The following PDGFRB variants were observed in gnomAD, a reference collection of about 807,000 sequenced individuals.
PDGFRB encodes the protein platelet derived growth factor receptor beta, also known as platelet-derived growth factor receptor beta.
A neutral mutation model predicts 120.2 loss-of-function variants in PDGFRB; 42 were observed. The ratio of observed to expected loss-of-function variants is 0.35; its 90% CI spans 0.27 to 0.45. PDGFRB has a LOEUF of 0.45. PDGFRB is among the 20% of genes least tolerant of loss of function. PDGFRB has a pLI of 1.00. For missense variants in PDGFRB, 1,149 were observed against 1,476.3 expected (o/e 0.78, Z 3.63); for synonymous variants, 586 against 606.8 (o/e 0.97, Z 0.50).
intron 15 of PDGFRB, 78 bp downstream of exon 15, chr5:150,122,964 C>T: frequency 7.5e-7 from 1 of 1,337,450 alleles, no homozygotes; most frequent in East Asian, 2.3e-5. Context: ...TCAGCTTCCC[C>T]TCCTGGACAA....
rs145233991 is a variant in PDGFRB, at chr5:150,117,883, G to A, written c.2905-33C>T. The A allele has an allele frequency of 3.9e-4, 497 of 1,290,590 alleles. 3 individuals are homozygous for A. The Middle Eastern group carries it at 5.3e-3, about 14-fold the overall frequency. The allele number at this position is 1,290,590 out of a possible 1,614,324, so 79.9% of individuals were successfully genotyped here. A position where few individuals can be genotyped will look rare whatever the true frequency, so the allele number is the denominator to read the frequency against. ...CGGGGCAGGGAGAACCAAAGAAACA[G>A]GGATGGTCAGGCCAGAAATGCCTTC... is the stretch of plus-strand genomic sequence containing the variant. On this transcript the variant is annotated intron_variant, in intron 21 of 22. Coordinates refer to ENST00000261799, the MANE Select transcript of PDGFRB (RefSeq NM_002609.4).
At position 150,115,525 on chromosome 5, in the gene PDGFRB, G is replaced by C; in HGVS notation, c.*238C>G. 2 of 395,916 alleles carry C rather than the reference G, an allele frequency of 5.1e-6. No homozygotes were observed. 24.5% of individuals were successfully genotyped at this position (395,916 alleles called of 1,614,324 possible). A position where few individuals can be genotyped will look rare whatever the true frequency, so the allele number is the denominator to read the frequency against. On this transcript the variant is annotated 3_prime_UTR_variant, in exon 23 of 23. Coordinates refer to ENST00000261799, the MANE Select transcript of PDGFRB (RefSeq NM_002609.4). Reference sequence around the variant, plus strand: ...AAACTGAGTTCCCTGGGGGAACCCTGGCTCAGAGTCAGTTGGCCTCCCTGG... The same window carrying C: ...AAACTGAGTTCCCTGGGGGAACCCTCGCTCAGAGTCAGTTGGCCTCCCTGG...
intron 1 of PDGFRB, among the ~76,000 whole-genome samples, chr5:150,150,936 C>T (rs774414361): frequency 6.6e-6 from 1 of 152,258 alleles, no homozygotes; most frequent in African/African-American, 2.4e-5. Flanking sequence ...CCTTCCTCCC[C>T]GACCCTCCCT....
rs772651155 is a variant in PDGFRB, at chr5:150,113,843, A to AGT, written c.*1918_*1919dup. 1 of 228,890 alleles carries AGT rather than the reference A, an allele frequency of 4.4e-6. No individual in the cohort carries two copies. 14.2% of individuals were successfully genotyped at this position (228,890 alleles called of 1,614,324 possible). On this transcript the variant is annotated 3_prime_UTR_variant, in exon 23 of 23. Coordinates refer to ENST00000261799, the MANE Select transcript of PDGFRB (RefSeq NM_002609.4). Reference sequence around the variant, plus strand: ...CCCGAGAGAGACCACAAAGTCTGTGAGTGAGAAGCACCAGGTTTAATATTA... The same window carrying AGT: ...CCCGAGAGAGACCACAAAGTCTGTGAGTGTGAGAAGCACCAGGTTTAATATTA...
chr5:150,143,421 G>A lies in PDGFRB; in HGVS notation c.-6-6368C>T, dbSNP rs949580109. ...GCCCTCAGGGCTCCACTCTGGGAAG[G>A]CAGCTGTGCTGAGCTGGAATGCTGG... On this transcript the variant is annotated intron_variant, in intron 1 of 22. Transcript: ENST00000261799. Among the ~76,000 whole-genome samples, 41 of 152,170 alleles carry A rather than the reference G, an allele frequency of 2.7e-4. 2 individuals are homozygous for A. The highest frequency in any genetic ancestry group is 1.5e-5 in the Non-Finnish European group (1 of 68,040).
chr5:150,153,428 G>A (rs538840588), intron 1 of PDGFRB: 8 of 152,346 alleles, frequency 5.3e-5, no homozygotes, highest in South Asian at 4.1e-4. Context: ...GGAGCTTCCC[G>A]GGGAGCACGA....
chr5:150,115,045 A>T lies in PDGFRB; in HGVS notation c.*718T>A, dbSNP rs1299607969. 1 of 233,078 alleles carries T rather than the reference A, an allele frequency of 4.3e-6. No individual in the cohort carries two copies. Among genetic ancestry groups the T allele is most frequent in the Non-Finnish European group, 8.5e-6 (1 of 118,000 alleles). 14.4% of individuals were successfully genotyped at this position (233,078 alleles called of 1,614,324 possible). A position where few individuals can be genotyped will look rare whatever the true frequency, so the allele number is the denominator to read the frequency against. ...GCCCCAGGACTGATGGGCCTGAAGG[A>T]CAGGGACACAGGCACTTGCTATGGC... On this transcript the variant is annotated 3_prime_UTR_variant, in exon 23 of 23. Coordinates refer to ENST00000261799, the MANE Select transcript of PDGFRB (RefSeq NM_002609.4).
rs533261556 is a variant in PDGFRB at position 150,138,377 on chromosome 5, T to G, written c.-6-1324A>C. Among the ~76,000 whole-genome samples, 126 of 152,186 alleles carry G rather than the reference T, an allele frequency of 8.3e-4. 1 individual carries two copies. The highest frequency in any genetic ancestry group is 3.4e-3 in the Middle Eastern group (1 of 294). On this transcript the variant is annotated intron_variant, in intron 1 of 22. Coordinates refer to ENST00000261799, the MANE Select transcript of PDGFRB (RefSeq NM_002609.4). ...AGCATGCCACCTCTTGTGCCATCGC[T>G]CTCCCTGTGGCCTAAGTCCCCAGCT...
intron 1 of PDGFRB, among the ~76,000 whole-genome samples, chr5:150,144,269 T>G (rs1308025614): frequency 1.3e-5 from 2 of 151,980 alleles, no homozygotes; most frequent in African/African-American, 4.8e-5. Context: ...TCTCCGGCCC[T>G]CCTCTGCTCT....
At chr5:150,127,240 A>T (rs1760320193) in intron 10 of PDGFRB, among the ~76,000 whole-genome samples, 1 of 152,216 alleles carries the variant, frequency 6.6e-6, no homozygotes, top group South Asian at 2.1e-4. Flanking sequence ...ACAAGCCTCG[A>T]GTCTCCTCCA....
chr5:150,132,629 A>G lies in PDGFRB; in HGVS notation c.1127+121T>C. 1 of 879,550 alleles carries G rather than the reference A, an allele frequency of 1.1e-6. No individual in the cohort carries two copies. The highest frequency in any genetic ancestry group is 1.7e-6 in the Non-Finnish European group (1 of 580,344). 54.5% of individuals were successfully genotyped at this position (879,550 alleles called of 1,614,324 possible). A position where few individuals can be genotyped will look rare whatever the true frequency, so the allele number is the denominator to read the frequency against. On this transcript the variant is annotated intron_variant, in intron 7 of 22. Coordinates refer to ENST00000261799, the MANE Select transcript of PDGFRB (RefSeq NM_002609.4). This position sits in a 1 kb window ranked among gnomAD's most constrained non-coding sequence, Gnocchi z 5.0. Reference sequence around the variant, plus strand: ...CTCTGGTCGCTGCAGCATCCCCAGCACCTGGCACCTAATATGCTCTCAGAA... The same window carrying G: ...CTCTGGTCGCTGCAGCATCCCCAGCGCCTGGCACCTAATATGCTCTCAGAA...
At chr5:150,137,244 T>A (rs1461746195) in intron 1 of PDGFRB, 191 bp from the exon 2 acceptor site, 2 of 559,390 alleles carry the variant, frequency 3.6e-6, no homozygotes, top group South Asian at 2.2e-5. Context: ...CTCCTCTCCA[T>A]CCCGGACTTA....
At chr5:150,136,901 T>C (rs901503940) in intron 2 of PDGFRB, 107 bp downstream of exon 2, 61 of 822,672 alleles carry the variant, frequency 7.4e-5, no homozygotes, top group Non-Finnish European at 9.1e-5. Flanking sequence ...GGCAGGGCAG[T>C]GTGCCTGGTG....
intron 10 of PDGFRB, among the ~76,000 whole-genome samples, chr5:150,127,617 C>T (rs781129964): frequency 3.3e-5 from 5 of 152,008 alleles, no homozygotes; most frequent in South Asian, 2.1e-4. Flanking sequence ...GGGCGGATCA[C>T]GAGGTCAGGA....
In PDGFRB at chr5:150,121,044, G is replaced by A; in HGVS notation, c.2464-34C>T. ...GGGGAGAGGGGAGCTGAGGCCTTGGGGACAATTGTGGGGAAAGACCCTTCA... is the reference window on the plus strand; with the variant it reads ...GGGGAGAGGGGAGCTGAGGCCTTGGAGACAATTGTGGGGAAAGACCCTTCA... On this transcript the variant is annotated intron_variant, in intron 17 of 22. Coordinates refer to ENST00000261799, the MANE Select transcript of PDGFRB (RefSeq NM_002609.4). This position sits in a 1 kb window ranked among gnomAD's most constrained non-coding sequence, Gnocchi z 4.1. 2.5e-6 allele frequency: 4 copies of A among 1,610,946 alleles called. No homozygotes were observed. Among genetic ancestry groups the A allele is most frequent in the Non-Finnish European group, 2.5e-6 (3 of 1,177,230 alleles).
rs1171425675 is a variant in PDGFRB at position 150,120,225 on chromosome 5, A to C, written c.2587-102T>G. 4 of 694,010 alleles carry C rather than the reference A, an allele frequency of 5.8e-6. No homozygotes were observed. In the South Asian group the frequency reaches 6.2e-5, roughly 11 times the overall value. 43.0% of individuals were successfully genotyped at this position (694,010 alleles called of 1,614,324 possible). On this transcript the variant is annotated intron_variant, in intron 18 of 22. Transcript: ENST00000261799. This position sits in a 1 kb window ranked among gnomAD's most constrained non-coding sequence, Gnocchi z 4.3. ...TATCTGGCAGCTCCCACCCACAACC[A>C]CTTCTCCGTCCCATTCCCTGTGAGG...
intron 4 of PDGFRB, 71 bp from the exon 5 acceptor site, chr5:150,134,079 G>A: frequency 7.1e-7 from 1 of 1,412,174 alleles, no homozygotes. Flanking sequence ...TTGGGGATAG[G>A]GTAGGGGGCT....
chr5:150,121,976 C>A lies in PDGFRB; in HGVS notation c.2248G>T (p.Asp750Tyr). 1 of 1,613,488 alleles carries A rather than the reference C, an allele frequency of 6.2e-7. No individual in the cohort carries two copies. The highest frequency in any genetic ancestry group is 8.5e-7 in the Non-Finnish European group (1 of 1,179,442). The change falls in exon 16 of 23, where the codon GAC (aspartate) becomes TAC (tyrosine). Residue 750 changes from aspartate to tyrosine, a missense_variant. By Grantham distance (160) the Asp-to-Tyr change is radical. Around this residue, in one of 3 missense-constraint regions of PDGFRB, gnomAD observed 879 missense variants for 1,108.6 expected, o/e 0.79. Coordinates refer to ENST00000261799, the MANE Select transcript of PDGFRB (RefSeq NM_002609.4). This position sits in a 1 kb window ranked among gnomAD's most constrained non-coding sequence, Gnocchi z 4.1. ...TTCATGTCCAGCATGGGCACATAGT[C>A]CACCGACTCGTCCTTGCTCATGTCC... ...YMDMSKDESVDYVPMLDMKGD... is the reference protein window; with the variant it reads ...YMDMSKDESVYYVPMLDMKGD...
Position 150,126,636 on chromosome 5 carries a change from G to C in PDGFRB, c.1580-22C>G, listed in dbSNP as rs1222279580. On this transcript the variant is annotated intron_variant, in intron 10 of 22. Transcript: ENST00000261799. The stretch of plus-strand genomic sequence containing the variant: ...AAGGCTGGAGGCAGAGATGAGAGCA[G>C]GCCATGAGCAAACTGGGCAGCTACC... The C allele has an allele frequency of 3.6e-6, 5 of 1,372,378 alleles. No homozygotes were observed. In the East Asian group the frequency reaches 9.1e-5, roughly 25 times the overall value. 85.0% of individuals were successfully genotyped at this position (1,372,378 alleles called of 1,614,324 possible). A position where few individuals can be genotyped will look rare whatever the true frequency, so the allele number is the denominator to read the frequency against.
Sources: gnomAD v4.1 joint callset for allele counts (sites outside exome capture counted in the v4.1 genomes callset) on GRCh38, gnomAD v4.1.1 for gene constraint, gnomAD v4.1.1 regional missense constraint, Gnocchi (gnomAD v3.1) non-coding constraint, MANE v1.5 for transcripts, NCBI Gene and HGNC (gene_info 2026-07-23, HGNC 2026-07-21) for gene names.